The following FLNB variants were observed in gnomAD, a reference collection of about 807,000 sequenced individuals.
FLNB encodes the protein filamin B.
Under a neutral mutation model 250.6 loss-of-function variants are expected in FLNB, and 111 were observed. The observed-to-expected ratio is 0.44, with a 90% CI of 0.38 to 0.52. The LOEUF is 0.52. Among genes scored for constraint, FLNB ranks in the 20% least tolerant of loss-of-function variants. FLNB has a pLI of 0.00. For synonymous variants in FLNB, 1,302 were observed against 1,372.1 expected, an observed-to-expected ratio of 0.95 and a Z score of 1.13; for missense variants, 2,869 against 3,447.8, an observed-to-expected ratio of 0.83 and a Z score of 4.20.
At chr3:58,087,041 G>A (rs1020110035) in intron 4 of FLNB, among the ~76,000 whole-genome samples, 1 of 152,190 alleles carries the variant, frequency 6.6e-6, no homozygotes. Context: ...AACCTGGGAG[G>A]TGGAGGTTGC....
In FLNB at chr3:58,077,173, G is replaced by C; in HGVS notation, c.420G>C (p.Thr140=). Residue 140 remains threonine, a synonymous_variant, in exon 2 of 46, where the codon ACG becomes ACC. Transcript: ENST00000295956. The part of the protein sequence containing the change: ...DEGDDDAKKQ[T]PKQRLLGWIQ... ...GGGATGATGATGCCAAGAAGCAGAC[G>C]CCAAAGCAGAGGCTGCTGGGGTGGA... 1.2e-6 allele frequency: 2 copies of C among 1,614,088 alleles called. No homozygotes were observed. The highest frequency in any genetic ancestry group is 1.7e-6 in the Non-Finnish European group (2 of 1,180,004).
At chr3:58,074,145 A>G (rs747475504) in intron 1 of FLNB, among the ~76,000 whole-genome samples, 2 of 152,266 alleles carry the variant, frequency 1.3e-5, no homozygotes, top group Non-Finnish European at 2.9e-5. Flanking sequence ...ATATGGAATG[A>G]TCAGAATTAC....
chr3:58,028,259 T>C (rs558691151), intron 1 of FLNB, among the ~76,000 whole-genome samples: 6 of 152,182 alleles, frequency 3.9e-5, no homozygotes, highest in Admixed American at 6.5e-5. Context: ...GGTCTAGTAG[T>C]GGGGAGGTGG....
intron 24 of FLNB, among the ~76,000 whole-genome samples, chr3:58,127,237 C>T (rs1286749223): frequency 1.3e-5 from 2 of 150,816 alleles, no homozygotes; most frequent in Non-Finnish European, 2.9e-5. Flanking sequence ...TGTGATGGGA[C>T]GATGTCTGAG....
In FLNB at chr3:58,097,824, C is replaced by T; in HGVS notation, c.994C>T (p.Leu332Phe). The T allele has an allele frequency of 6.2e-7, 1 of 1,614,034 alleles. No homozygotes were observed. The highest frequency in any genetic ancestry group is 8.5e-7 in the Non-Finnish European group (1 of 1,179,978). Residue 332 changes from leucine to phenylalanine, a missense_variant, in exon 7 of 46, where the codon CTC (leucine) becomes TTC (phenylalanine). By Grantham distance (22) the Leu-to-Phe change is conservative. This residue lies in a region of FLNB where 308 missense variants were observed against 466.1 expected (regional missense o/e 0.66). Coordinates refer to ENST00000295956, the MANE Select transcript of FLNB (RefSeq NM_001457.4). ...TATCTGTCACCTATAGGTCACAGTC[C>T]TCTTTGCAGGACAGCACATCTCCAA... is the stretch of plus-strand genomic sequence containing the variant. The part of the protein sequence containing the change: ...KVTGLHKVTV[L>F]FAGQHISKSP...
chr3:58,097,727 AG>A, intron 6 of FLNB, 87 bp from the exon 7 acceptor site: 1 of 1,275,786 alleles, frequency 7.8e-7, no homozygotes, highest in South Asian at 1.3e-5. Flanking sequence ...AGGGTAGGAG[AG>A]GTGATCATCA....
At chr3:58,112,374 A>G (rs1399286940) in intron 18 of FLNB, 56 bp downstream of exon 18, 9 of 1,558,562 alleles carry the variant, frequency 5.8e-6, no homozygotes, top group African/African-American at 2.7e-5. Flanking sequence ...CTTTCTATGC[A>G]GTCGGTGCTG....
At chr3:58,153,678 T>A in intron 39 of FLNB, 37 bp downstream of exon 39, 1 of 1,612,320 alleles carries the variant, frequency 6.2e-7, no homozygotes, top group Non-Finnish European at 8.5e-7. Context: ...TTGGGAAGAA[T>A]AGAGTTGAGC....
chr3:58,064,831 G>A (rs962240953), intron 1 of FLNB, among the ~76,000 whole-genome samples: 1 of 152,050 alleles, frequency 6.6e-6, no homozygotes, highest in African/African-American at 2.4e-5. Context: ...TGGGCAACAT[G>A]GCAAAACCTT....
intron 4 of FLNB, among the ~76,000 whole-genome samples, chr3:58,084,786 G>A (rs2097214785): frequency 2.0e-5 from 3 of 151,970 alleles, no homozygotes. Context: ...TCTGCTCCTG[G>A]TAACCTTTAT....
intron 21 of FLNB, among the ~76,000 whole-genome samples, chr3:58,123,931 C>T (rs2097293363): frequency 6.6e-6 from 1 of 152,084 alleles, no homozygotes; most frequent in Non-Finnish European, 1.5e-5. Context: ...GGGAACAGGA[C>T]CTAGCATTGT....
At chr3:58,108,394 CTTTGTATAAGGG>C in intron 12 of FLNB, 52 bp from the exon 13 acceptor site, 2 of 1,051,768 alleles carry the variant, frequency 1.9e-6, no homozygotes, top group Non-Finnish European at 2.9e-6. Context: ...GGTTACCTGT[CTTTGTATAAGGG>C]TTTAGTTGGG....
chr3:58,046,021 A>G (rs2097153472), intron 1 of FLNB, among the ~76,000 whole-genome samples: 1 of 150,948 alleles, frequency 6.6e-6, no homozygotes, highest in African/African-American at 2.5e-5. Context: ...AAAAAAAAAA[A>G]AAAGACTTGA....
chr3:58,077,116 C>A lies in FLNB; in HGVS notation c.363C>A (p.Tyr121Ter). The A allele has an allele frequency of 6.2e-7, 1 of 1,614,146 alleles. No individual in the cohort carries two copies. The highest frequency in any genetic ancestry group is 1.7e-5 in the Admixed American group (1 of 60,020). Residue 121 changes from tyrosine to a stop codon, truncating the protein, a stop_gained, in exon 2 of 46, where the codon TAC (tyrosine) becomes TAA (stop). Transcript: ENST00000295956. LOFTEE classifies it high-confidence loss of function. Reference sequence around the variant, plus strand: ...TGGTGTGGACGCTGATCCTCCACTACTCCATCTCCATGCCCGTGTGGGAGG... The same window carrying A: ...TGGTGTGGACGCTGATCCTCCACTAATCCATCTCCATGCCCGTGTGGGAGG... Reference protein sequence around the residue: ...LGLVWTLILHYSISMPVWEDE... With the variant: ...LGLVWTLILH
chr3:58,083,876 C>T (rs2097212969), intron 4 of FLNB, among the ~76,000 whole-genome samples: 1 of 152,118 alleles, frequency 6.6e-6, no homozygotes, highest in African/African-American at 2.4e-5. Flanking sequence ...CACTTGAAGG[C>T]TGGCATGTCC....
chr3:58,141,466 T>G (rs2097326870), intron 29 of FLNB, among the ~76,000 whole-genome samples: 1 of 152,200 alleles, frequency 6.6e-6, no homozygotes, highest in South Asian at 2.1e-4. Flanking sequence ...ATTGATTCAT[T>G]GGACCTGACT....
chr3:58,103,016 G>A (rs1319452481), intron 9 of FLNB, among the ~76,000 whole-genome samples: 1 of 152,154 alleles, frequency 6.6e-6, no homozygotes, highest in Non-Finnish European at 1.5e-5. Context: ...AGCAGCCTTT[G>A]GTGGTTTTAC....
At chr3:58,053,424 A>G (rs2097165602) in intron 1 of FLNB, among the ~76,000 whole-genome samples, 1 of 152,188 alleles carries the variant, frequency 6.6e-6, no homozygotes, top group Non-Finnish European at 1.5e-5. Flanking sequence ...TCATAGCCAA[A>G]TCATTTTTAA....
intron 4 of FLNB, among the ~76,000 whole-genome samples, chr3:58,087,400 G>A (rs1033236816): frequency 1.3e-5 from 2 of 152,034 alleles, no homozygotes; most frequent in Non-Finnish European, 2.9e-5. Flanking sequence ...GTTGATAGTT[G>A]TTGAAGCTGG....
Sources: allele counts gnomAD v4.1 joint callset (sites outside exome capture counted in the v4.1 genomes callset), GRCh38; gene constraint gnomAD v4.1.1; regional missense constraint gnomAD v4.1.1; transcripts MANE v1.5; gene names NCBI Gene and HGNC (gene_info 2026-07-23, HGNC 2026-07-21).